The following ABCF2 variants were observed in gnomAD, a reference collection of about 807,000 sequenced individuals.
The protein encoded by ABCF2 is ATP-binding cassette sub-family F member 2.
In ABCF2, 37 loss-of-function variants were observed where a neutral mutation model predicts 76.9. That is an observed-to-expected ratio of 0.48 (90% CI 0.37 to 0.63). The LOEUF is 0.63. Among genes scored for constraint, ABCF2 ranks in the 30% least tolerant of loss-of-function variants. The pLI, the probability that ABCF2 is intolerant of heterozygous loss-of-function variation, is 0.00. For missense variants in ABCF2, 524 were observed against 782.1 expected (o/e 0.67, Z 3.94); for synonymous variants, 299 against 283.7 (o/e 1.05, Z -0.54).
Position 151,215,853 on chromosome 7 carries a change from C to A in ABCF2, c.1401+114G>T, listed in dbSNP as rs1802140127. 2 of 1,586,236 alleles carry A rather than the reference C, an allele frequency of 1.3e-6. No homozygotes were observed. The highest frequency in any genetic ancestry group is 8.6e-7 in the Non-Finnish European group (1 of 1,161,324). ...TCTGGGTTCAAGAAGCAGGTAGGAG[C>A]CACCTAGGCTGGAATTCCTGCCAGG... is the stretch of plus-strand genomic sequence containing the variant. On this transcript the variant is annotated intron_variant, in intron 12 of 14. Coordinates refer to ENST00000287844, the MANE Select transcript of ABCF2 (RefSeq NM_007189.3). The surrounding 1 kb of genome is among the most constrained non-coding windows in gnomAD (Gnocchi z 4.6).
Position 151,219,115 on chromosome 7 carries a change from C to T in ABCF2, c.966G>A (p.Glu322=). 6.2e-7 allele frequency: 1 copy of T among 1,614,052 alleles called. No individual in the cohort carries two copies. Among genetic ancestry groups the T allele is most frequent in the Non-Finnish European group, 8.5e-7 (1 of 1,180,028 alleles). The change falls in exon 8 of 15, where the codon GAG becomes GAA. Residue 322 remains glutamate, a synonymous_variant. Coordinates refer to ENST00000287844, the MANE Select transcript of ABCF2 (RefSeq NM_007189.3). The part of the protein sequence containing the change: ...QYVKTRLELE[E]NQMKRFHWEQ... ...CCCAGTGAAACCTCTTCATCTGGTT[C>T]TCCTCCAGCTCTAGCCGCGTCTTCA...
In ABCF2 at chr7:151,213,227, C is replaced by T. The variant is rs1802082907; in HGVS notation, c.*827G>A. 1 of 980,322 alleles carries T rather than the reference C, an allele frequency of 1.0e-6. No homozygotes were observed. 60.7% of individuals were successfully genotyped at this position (980,322 alleles called of 1,614,324 possible). On this transcript the variant is annotated 3_prime_UTR_variant, in exon 15 of 15. Transcript: ENST00000287844. ...GAAATGTTAACGTTCTTGGTCTCCCCCAAAACCTATTGAACCAGAAACGCT... is the reference window on the plus strand; with the variant it reads ...GAAATGTTAACGTTCTTGGTCTCCCTCAAAACCTATTGAACCAGAAACGCT...
At position 151,226,316 on chromosome 7, in the gene ABCF2, C is replaced by T. The variant is rs779746971; in HGVS notation, c.143G>A (p.Arg48Lys). Reference sequence around the variant, plus strand: ...CTCCCTCAATTCACCTGTGGTCTCTCTGCCATTGGCCTCATTCTTCTCTGC... The same window carrying T: ...CTCCCTCAATTCACCTGTGGTCTCTTTGCCATTGGCCTCATTCTTCTCTGC... Reference protein sequence around the residue: ...QVAEKNEANGRETTEVDLLTK... With the variant: ...QVAEKNEANGKETTEVDLLTK... Residue 48 changes from arginine (R) to lysine (K), a missense_variant, in exon 2 of 15, where the codon AGA (arginine) becomes AAA (lysine). Arg to Lys is a conservative substitution (Grantham distance 26, BLOSUM62 2). This residue lies in a region of ABCF2 where 330 missense variants were observed against 433.6 expected (regional missense o/e 0.76). Transcript: ENST00000287844. 1.9e-6 allele frequency: 3 copies of T among 1,613,974 alleles called. No homozygotes were observed. The highest frequency in any genetic ancestry group is 2.5e-6 in the Non-Finnish European group (3 of 1,179,920).
chr7:151,215,011 G>A lies in ABCF2; in HGVS notation c.1602C>T (p.Asn534=). Residue 534 remains asparagine (N), a synonymous_variant, in exon 14 of 15, where the codon AAC becomes AAT. Transcript: ENST00000287844. The surrounding 1 kb of genome is among the most constrained non-coding windows in gnomAD (Gnocchi z 4.6). ...GTTCATCCAGGAAGAGCATGTGGGG[G>A]TTCTGCCAGGCCAGCCAGGCCAGAC... ...RVCLAWLAWQ[N]PHMLFLDEPT... is the part of the protein sequence containing the mutation. 2 of 1,614,182 alleles carry A rather than the reference G, an allele frequency of 1.2e-6. No individual in the cohort carries two copies. The highest frequency in any genetic ancestry group is 1.7e-6 in the Non-Finnish European group (2 of 1,180,028).
chr7:151,223,799 C>A lies in ABCF2; in HGVS notation c.601G>T (p.Ala201Ser). 1 of 1,613,970 alleles carries A rather than the reference C, an allele frequency of 6.2e-7. No individual in the cohort carries two copies. The highest frequency in any genetic ancestry group is 8.5e-7 in the Non-Finnish European group (1 of 1,179,924). Residue 201 changes from alanine (A) to serine (S), a missense_variant, in exon 5 of 15, where the codon GCC (alanine) becomes TCC (serine). Ala to Ser is a moderately conservative substitution (Grantham distance 99, BLOSUM62 1). This residue lies in a region of ABCF2 where 330 missense variants were observed against 433.6 expected (regional missense o/e 0.76). Coordinates refer to ENST00000287844, the MANE Select transcript of ABCF2 (RefSeq NM_007189.3). ...ELYERLEELD[A>S]DKAEMRASRI... The stretch of plus-strand genomic sequence containing the variant: ...GAGGCCCTCATCTCTGCCTTGTCGG[C>A]ATCCAGCTCCTCCAGGCGCTCGTAG...
At chr7:151,219,914 C>A (rs141304749) in intron 7 of ABCF2, among the ~76,000 whole-genome samples, 1,567 of 152,042 alleles carry the variant, frequency 0.01, 36 homozygotes, top group African/African-American at 0.036. Context: ...GCCTAGCCAA[C>A]ATGGCGAAAC....
At position 151,214,129 on chromosome 7, in the gene ABCF2, C is replaced by T. The variant is rs1802104383; in HGVS notation, c.1797G>A (p.Leu599=). 2 of 1,614,170 alleles carry T rather than the reference C, an allele frequency of 1.2e-6. No individual in the cohort carries two copies. Among genetic ancestry groups the T allele is most frequent in the Middle Eastern group, 1.7e-4 (1 of 6,060 alleles). Residue 599 remains leucine, a synonymous_variant, in exon 15 of 15, where the codon CTG becomes CTA. Transcript: ENST00000287844. The surrounding 1 kb of genome is among the most constrained non-coding windows in gnomAD (Gnocchi z 4.9). ...TGGACTTGAGGTGCTCCTTGTAAGC[C>T]AGGATGTCTCCAGGCCACTTGGTGA... The part of the protein sequence containing the change: ...QTITKWPGDI[L]AYKEHLKSKL...
intron 2 of ABCF2, among the ~76,000 whole-genome samples, chr7:151,225,397 T>C (rs1802352620): frequency 6.6e-6 from 1 of 151,850 alleles, no homozygotes; most frequent in Non-Finnish European, 1.5e-5. Flanking sequence ...CAAGACAGGG[T>C]CCTTGCACTC....
chr7:151,225,926 G>C (rs1802362903), intron 2 of ABCF2, among the ~76,000 whole-genome samples: 1 of 152,200 alleles, frequency 6.6e-6, no homozygotes, highest in Non-Finnish European at 1.5e-5. Context: ...CTCTCTTGTA[G>C]GTAGAGCCAC....
intron 5 of ABCF2, 137 bp from the exon 6 acceptor site, chr7:151,222,753 C>G (rs1372147259): frequency 1.8e-5 from 11 of 606,178 alleles, no homozygotes; most frequent in Non-Finnish European, 3.2e-5. Context: ...GGCTCTATAC[C>G]TCAGAGGGAA....
intron 3 of ABCF2, 133 bp downstream of exon 3, chr7:151,224,643 C>G: frequency 1.2e-6 from 1 of 814,550 alleles, no homozygotes; most frequent in East Asian, 2.6e-5. Context: ...AGTTCCTTTC[C>G]CCTGGACATA....
intron 7 of ABCF2, 135 bp from the exon 8 acceptor site, chr7:151,219,294 G>T: frequency 1.3e-6 from 1 of 747,586 alleles, no homozygotes; most frequent in Non-Finnish European, 2.4e-6. Flanking sequence ...AAGAAGAGAG[G>T]ACGTGCATTA....
rs144967351 is a variant in ABCF2, at chr7:151,214,966, G to A, written c.1647C>T (p.Ile549=). 266 of 1,614,184 alleles carry A rather than the reference G, an allele frequency of 1.6e-4. No individual in the cohort carries two copies. Among genetic ancestry groups the A allele is most frequent in the Admixed American group, 3.8e-4 (23 of 60,024 alleles). ...FLDEPTNHLD[I]ETIDALADAI... is the part of the protein sequence containing the mutation. Reference sequence around the variant, plus strand: ...CATCTGCCAGGGCGTCGATGGTCTCGATATCCAGGTGATTGGTGGGTTCAT... The same window carrying A: ...CATCTGCCAGGGCGTCGATGGTCTCAATATCCAGGTGATTGGTGGGTTCAT... The change falls in exon 14 of 15, where the codon ATC becomes ATT. Residue 549 remains isoleucine, a synonymous_variant. Coordinates refer to ENST00000287844, the MANE Select transcript of ABCF2 (RefSeq NM_007189.3). The surrounding 1 kb of genome is among the most constrained non-coding windows in gnomAD (Gnocchi z 4.9).
rs1430473432 is a variant in ABCF2, at chr7:151,215,606, G to C, written c.1528C>G (p.Gln510Glu). ...TCACCACACCCTCCTTTACTGACCT[G>C]TTGTTTCCCAGTGAGACCGTATCGC... ...IGRYGLTGKQ[Q>E]VSPIRNLSDG... The change falls in exon 13 of 15, where the codon CAG becomes GAG. Residue 510 changes from glutamine to glutamate, a missense_variant and splice_region_variant. Around this residue, in one of 2 missense-constraint regions of ABCF2, gnomAD observed 194 missense variants for 348.6 expected, o/e 0.56. Transcript: ENST00000287844. This position sits in a 1 kb window ranked among gnomAD's most constrained non-coding sequence, Gnocchi z 4.6. 1 of 1,613,914 alleles carries C rather than the reference G, an allele frequency of 6.2e-7. No homozygotes were observed. Among genetic ancestry groups the C allele is most frequent in the Non-Finnish European group, 8.5e-7 (1 of 1,180,008 alleles).
rs200210896 is a variant in ABCF2, at chr7:151,224,081, C to T, written c.401G>A (p.Arg134His). ...GATGTGCTCAGGGATGGGCACTTCA[C>T]GCTTCCCAATAGCAGAGAGCAGCAT... is the stretch of plus-strand genomic sequence containing the variant. ...KSMLLSAIGK[R>H]EVPIPEHIDI... is the part of the protein sequence containing the mutation. Residue 134 changes from arginine to histidine, a missense_variant, in exon 4 of 15, where the codon CGT (arginine) becomes CAT (histidine). Arg to His is a conservative substitution (Grantham distance 29, BLOSUM62 0). Transcript: ENST00000287844. 3 of 1,614,194 alleles carry T rather than the reference C, an allele frequency of 1.9e-6. No individual in the cohort carries two copies. Among genetic ancestry groups the T allele is most frequent in the Non-Finnish European group, 1.7e-6 (2 of 1,180,032 alleles).
Position 151,215,450 on chromosome 7 carries a change from T to C in ABCF2, c.1530+154A>G, listed in dbSNP as rs141343865. On this transcript the variant is annotated intron_variant, in intron 13 of 14. Coordinates refer to ENST00000287844, the MANE Select transcript of ABCF2 (RefSeq NM_007189.3). This position sits in a 1 kb window ranked among gnomAD's most constrained non-coding sequence, Gnocchi z 4.6. ...TGCTCCATTACATAACAACCTAGAG[T>C]AAAGAAAAGGTAGTAGGTTCTTAGG... 7.2e-4 allele frequency among the ~76,000 whole-genome samples: 110 copies of C among 151,954 alleles called. 1 individual carries two copies. The highest frequency in any genetic ancestry group is 3.4e-3 in the Middle Eastern group (1 of 294).
rs1319787211 is a variant in ABCF2, at chr7:151,224,905, G to A, written c.238C>T (p.His80Tyr). 1 of 1,614,214 alleles carries A rather than the reference G, an allele frequency of 6.2e-7. No individual in the cohort carries two copies. Among genetic ancestry groups the A allele is most frequent in the East Asian group, 2.2e-5 (1 of 44,888 alleles). ...ATGTGAACATCAGTACTGTTGGGGTGAGAGGCCAGGACGCCAGTGACAGCT... is the reference window on the plus strand; with the variant it reads ...ATGTGAACATCAGTACTGTTGGGGTAAGAGGCCAGGACGCCAGTGACAGCT... The part of the protein sequence containing the change: ...ARAVTGVLAS[H>Y]PNSTDVHIIN... The change falls in exon 3 of 15, where the codon CAC becomes TAC. Residue 80 changes from histidine to tyrosine, a missense_variant. This residue lies in a region of ABCF2 where 330 missense variants were observed against 433.6 expected (regional missense o/e 0.76). Transcript: ENST00000287844.
At position 151,224,862 on chromosome 7, in the gene ABCF2, G is replaced by C; in HGVS notation, c.281C>G (p.Thr94Ser). ...ACTGAGCAGCTCTTGACCATGAAAGGTAAGTGAGAGGTTGATGATGTGAAC... is the reference window on the plus strand; with the variant it reads ...ACTGAGCAGCTCTTGACCATGAAAGCTAAGTGAGAGGTTGATGATGTGAAC... ...TDVHIINLSLTFHGQELLSDT... is the reference protein window; with the variant it reads ...TDVHIINLSLSFHGQELLSDT... Residue 94 changes from threonine to serine, a missense_variant, in exon 3 of 15, where the codon ACC (threonine) becomes AGC (serine). By Grantham distance (58) the Thr-to-Ser change is moderately conservative. Coordinates refer to ENST00000287844, the MANE Select transcript of ABCF2 (RefSeq NM_007189.3). 1 of 1,614,178 alleles carries C rather than the reference G, an allele frequency of 6.2e-7. No homozygotes were observed.
At position 151,214,287 on chromosome 7, in the gene ABCF2, C is replaced by T. The variant is rs942875226; in HGVS notation, c.1735-96G>A. The T allele has an allele frequency of 2.6e-6, 4 of 1,554,480 alleles. No homozygotes were observed. The highest frequency in any genetic ancestry group is 3.5e-6 in the Non-Finnish European group (4 of 1,134,892). On this transcript the variant is annotated intron_variant, in intron 14 of 14. Coordinates refer to ENST00000287844, the MANE Select transcript of ABCF2 (RefSeq NM_007189.3). This position sits in a 1 kb window ranked among gnomAD's most constrained non-coding sequence, Gnocchi z 4.9. ...AGGGGCGTCTAGGAAGAAAACTCCGCCCCCCAAACCCATATCCAACTCACT... is the reference window on the plus strand; with the variant it reads ...AGGGGCGTCTAGGAAGAAAACTCCGTCCCCCAAACCCATATCCAACTCACT...
Sources: allele counts gnomAD v4.1 joint callset (sites outside exome capture counted in the v4.1 genomes callset), GRCh38; gene constraint gnomAD v4.1.1; regional missense constraint gnomAD v4.1.1; non-coding constraint Gnocchi (gnomAD v3.1); transcripts MANE v1.5; gene names NCBI Gene and HGNC (gene_info 2026-07-23, HGNC 2026-07-21).